Variants in FMNL2 observed in about 807,000 individuals in gnomAD.
FMNL2 encodes formin like 2, also known as formin-like protein 2.
Under a neutral mutation model 130.2 loss-of-function variants are expected in FMNL2, and 51 were observed. That is an observed-to-expected ratio of 0.39 (90% CI 0.31 to 0.49). The LOEUF (loss-of-function observed/expected upper bound fraction) is 0.49, where lower values mean the gene tolerates loss of function less well. Among genes scored for constraint, FMNL2 ranks in the 20% least tolerant of loss-of-function variants. The pLI is 0.85. For missense variants in FMNL2, 977 were observed against 1,316.2 expected (o/e 0.74, Z 3.99); for synonymous variants, 465 against 467.1 (o/e 1.00, Z 0.06).
At chr2:152,583,741 C>T (rs1468325109) in intron 9 of FMNL2, among the ~76,000 whole-genome samples, 2 of 152,158 alleles carry the variant, frequency 1.3e-5, no homozygotes, top group Non-Finnish European at 2.9e-5. Flanking sequence ...CAGCTTGGCC[C>T]ACACCCTGTT....
chr2:152,613,690 T>G (rs537088141), intron 11 of FMNL2, among the ~76,000 whole-genome samples: 1 of 152,282 alleles, frequency 6.6e-6, no homozygotes, highest in South Asian at 2.1e-4. Context: ...GTTAGAAGAG[T>G]AATGTAAATG....
chr2:152,366,630 C>T (rs1217596809), intron 1 of FMNL2, among the ~76,000 whole-genome samples: 2 of 151,936 alleles, frequency 1.3e-5, no homozygotes, highest in African/African-American at 4.8e-5. Context: ...AATATTAATC[C>T]TACTAGAGCT....
chr2:152,529,669 T>G (rs1003101209), intron 2 of FMNL2, among the ~76,000 whole-genome samples: 1 of 152,144 alleles, frequency 6.6e-6, no homozygotes, highest in African/African-American at 2.4e-5. Flanking sequence ...TAGAAGTGAA[T>G]TTACATTACG....
chr2:152,616,489 C>G (rs1381450338), intron 12 of FMNL2, among the ~76,000 whole-genome samples: 1 of 151,960 alleles, frequency 6.6e-6, no homozygotes, highest in Admixed American at 6.6e-5. Flanking sequence ...CTCCACCACA[C>G]CTGGCTAATT....
intron 1 of FMNL2, among the ~76,000 whole-genome samples, chr2:152,412,745 T>A (rs1036745790): frequency 2.0e-5 from 3 of 151,950 alleles, no homozygotes; most frequent in Non-Finnish European, 4.4e-5. Flanking sequence ...GAGGTGAGGC[T>A]GCAGTGAGCC....
At chr2:152,447,456 T>C (rs1558870865) in intron 1 of FMNL2, among the ~76,000 whole-genome samples, 1 of 152,222 alleles carries the variant, frequency 6.6e-6, no homozygotes, top group East Asian at 1.9e-4. Context: ...AGCTAGATGG[T>C]AATTGAAGTT....
chr2:152,445,278 C>T (rs1168035442), intron 1 of FMNL2, among the ~76,000 whole-genome samples: 1 of 152,240 alleles, frequency 6.6e-6, no homozygotes, highest in Non-Finnish European at 1.5e-5. Context: ...CTGAGTCATG[C>T]AGTGGACACC....
chr2:152,369,583 A>G lies in FMNL2; in HGVS notation c.117+33863A>G, dbSNP rs2105852454. On this transcript the variant is annotated intron_variant, in intron 1 of 25. Transcript: ENST00000288670. ...GGCTGAATGAAGAGGGTAGAGGTTT[A>G]TTGGTGCACTTACTGCGTGCCGATT... Among the ~76,000 whole-genome samples, 2 of 152,352 alleles carry G rather than the reference A, an allele frequency of 1.3e-5. 1 individual carries two copies. The highest frequency in any genetic ancestry group is 4.1e-4 in the South Asian group (2 of 4,830).
chr2:152,414,460 C>G (rs577534566), intron 1 of FMNL2, among the ~76,000 whole-genome samples: 9 of 152,128 alleles, frequency 5.9e-5, no homozygotes, highest in African/African-American at 2.2e-4. Context: ...ATGTGTTAGT[C>G]AGAAGGGGAC....
intron 4 of FMNL2, among the ~76,000 whole-genome samples, chr2:152,551,444 C>T (rs1288201583): frequency 6.6e-6 from 1 of 152,212 alleles, no homozygotes; most frequent in Non-Finnish European, 1.5e-5. Context: ...CATGGAGATG[C>T]ATTGTCTGAT....
At chr2:152,535,433 A>G (rs928534608) in intron 2 of FMNL2, among the ~76,000 whole-genome samples, 16 of 152,202 alleles carry the variant, frequency 1.1e-4, no homozygotes, top group Non-Finnish European at 2.1e-4. Context: ...TTGAACTTTG[A>G]GAGGATCACA....
At chr2:152,395,232 A>G (rs752626645) in intron 1 of FMNL2, among the ~76,000 whole-genome samples, 19 of 152,216 alleles carry the variant, frequency 1.2e-4, no homozygotes, top group Non-Finnish European at 2.2e-4. Flanking sequence ...CTGTATATTC[A>G]GCTGGGTTGC....
At chr2:152,453,018 A>G (rs2105077794) in intron 1 of FMNL2, among the ~76,000 whole-genome samples, 1 of 152,278 alleles carries the variant, frequency 6.6e-6, no homozygotes, top group South Asian at 2.1e-4. Context: ...CCTGGCCAAC[A>G]TGGTGAAACC....
chr2:152,559,404 A>G (rs2105589235), intron 5 of FMNL2, among the ~76,000 whole-genome samples: 1 of 152,216 alleles, frequency 6.6e-6, no homozygotes, highest in East Asian at 1.9e-4. Flanking sequence ...CCTCTGATCA[A>G]GTGATTCTCC....
chr2:152,366,277 G>C (rs1332687588), intron 1 of FMNL2, among the ~76,000 whole-genome samples: 1 of 129,864 alleles, frequency 7.7e-6, no homozygotes, highest in African/African-American at 2.9e-5. Flanking sequence ...ATCACACACC[G>C]GGGACTGTTG....
At chr2:152,464,562 T>G (rs921205741) in intron 1 of FMNL2, among the ~76,000 whole-genome samples, 7 of 152,166 alleles carry the variant, frequency 4.6e-5, no homozygotes, top group African/African-American at 1.7e-4. Context: ...CTCCCAGCAT[T>G]TGTCTGTTGA....
chr2:152,345,838 C>A (rs1475450619), intron 1 of FMNL2, among the ~76,000 whole-genome samples: 1 of 152,276 alleles, frequency 6.6e-6, no homozygotes, highest in East Asian at 1.9e-4. Flanking sequence ...CTTGTGCAGC[C>A]CTTCCTCTTG....
At chr2:152,435,119 A>G (rs977094113) in intron 1 of FMNL2, among the ~76,000 whole-genome samples, 2 of 152,144 alleles carry the variant, frequency 1.3e-5, no homozygotes, top group African/African-American at 4.8e-5. Flanking sequence ...CATATGGCCT[A>G]AATTTTTTGA....
chr2:152,616,779 C>T (rs949251946), intron 12 of FMNL2, among the ~76,000 whole-genome samples: 5 of 152,082 alleles, frequency 3.3e-5, no homozygotes, highest in Admixed American at 6.6e-5. Context: ...GGTGGACTTT[C>T]CCTCCTCTTT....
Sources: gnomAD v4.1 joint callset for allele counts (sites outside exome capture counted in the v4.1 genomes callset) on GRCh38, gnomAD v4.1.1 for gene constraint, MANE v1.5 for transcripts, NCBI Gene and HGNC (gene_info 2026-07-23, HGNC 2026-07-21) for gene names.